ITPR2: variants seen among roughly 807,000 people sequenced by gnomAD.
ITPR2 encodes inositol 1,4,5-trisphosphate receptor type 2, also known as inositol 1,4,5-trisphosphate-gated calcium channel ITPR2.
Under a neutral mutation model 317.1 loss-of-function variants are expected in ITPR2, and 207 were observed. The ratio of observed to expected loss-of-function variants is 0.65; its 90% CI spans 0.58 to 0.73. The LOEUF is 0.73. Ranked by LOEUF, ITPR2 falls within the 30% of genes least tolerant of loss-of-function variation. The probability of loss-of-function intolerance (pLI) is 0.00; values close to 1 mark genes in which losing one functional copy is unlikely to be tolerated. For synonymous variants in ITPR2, 1,156 were observed against 1,149.1 expected (o/e 1.01, Z -0.12); for missense variants, 2,613 against 3,284.0 (o/e 0.80, Z 4.99).
At chr12:26,576,706 A>G (rs1199533783) in intron 34 of ITPR2, among the ~76,000 whole-genome samples, 1 of 152,162 alleles carries the variant, frequency 6.6e-6, no homozygotes, top group Admixed American at 6.5e-5. Flanking sequence ...ATCCATGCAA[A>G]GGAGTGGCCC....
intron 20 of ITPR2, among the ~76,000 whole-genome samples, chr12:26,654,465 T>C (rs1397969275): frequency 6.6e-6 from 1 of 152,206 alleles, no homozygotes; most frequent in African/African-American, 2.4e-5. Flanking sequence ...CCTTAATAAA[T>C]GGCTATTATC....
chr12:26,453,653 T>G (rs1470783354), intron 45 of ITPR2, among the ~76,000 whole-genome samples: 1 of 152,202 alleles, frequency 6.6e-6, no homozygotes. Flanking sequence ...GGTCTCACTA[T>G]TCCCACACAA....
intron 37 of ITPR2, among the ~76,000 whole-genome samples, chr12:26,522,570 T>C (rs1489577924): frequency 1.3e-5 from 2 of 152,228 alleles, no homozygotes; most frequent in African/African-American, 4.8e-5. Context: ...TTCATTATGC[T>C]TCTTGATGCA....
chr12:26,794,257 T>G (rs1950390988), intron 1 of ITPR2, among the ~76,000 whole-genome samples: 1 of 152,216 alleles, frequency 6.6e-6, no homozygotes, highest in Admixed American at 6.5e-5. Context: ...TTAAAAATTC[T>G]GTGAGAAGTG....
rs569191783 is a variant in ITPR2 at position 26,440,574 on chromosome 12, G to A, written c.6451-1255C>T. Among the ~76,000 whole-genome samples the A allele has an allele frequency of 3.9e-5, 6 of 152,206 alleles. No homozygotes were observed. The South Asian group carries it at 1.2e-3, about 32-fold the overall frequency. ...TAACTGAAGGTATCCTAAATGATATGTGATATATTCAATTACATACTAGAA... is the reference window on the plus strand; with the variant it reads ...TAACTGAAGGTATCCTAAATGATATATGATATATTCAATTACATACTAGAA... On this transcript the variant is annotated intron_variant, in intron 46 of 56. Transcript: ENST00000381340.
chr12:26,354,412 GTGA>G (rs369574727), intron 55 of ITPR2, among the ~76,000 whole-genome samples: 113 of 152,210 alleles, frequency 7.4e-4, no homozygotes, highest in African/African-American at 2.6e-3. Context: ...TATTTAACAA[GTGA>G]TGATGAAACC....
At chr12:26,460,729 G>T (rs773088765) in intron 45 of ITPR2, among the ~76,000 whole-genome samples, 5 of 152,084 alleles carry the variant, frequency 3.3e-5, no homozygotes, top group Non-Finnish European at 7.4e-5. Flanking sequence ...CTCTGGGGTC[G>T]GGGTCCCGGA....
chr12:26,780,973 G>A (rs1950064918), intron 2 of ITPR2, among the ~76,000 whole-genome samples: 1 of 152,180 alleles, frequency 6.6e-6, no homozygotes, highest in African/African-American at 2.4e-5. Context: ...GTGTTGGCTG[G>A]GGTGACTGAC....
chr12:26,733,317 A>G (rs1949057149), intron 2 of ITPR2, among the ~76,000 whole-genome samples: 1 of 141,706 alleles, frequency 7.1e-6, no homozygotes, highest in Non-Finnish European at 1.6e-5. Context: ...CCATCTCAAA[A>G]AAAAAAAAAA....
intron 55 of ITPR2, among the ~76,000 whole-genome samples, chr12:26,366,021 C>T (rs985096498): frequency 4.6e-5 from 7 of 151,948 alleles, no homozygotes; most frequent in Non-Finnish European, 1.0e-4. Flanking sequence ...AAGTAATTAC[C>T]AGTTAAACCT....
At chr12:26,591,240 A>G (rs1385027681) in intron 32 of ITPR2, among the ~76,000 whole-genome samples, 1 of 152,206 alleles carries the variant, frequency 6.6e-6, no homozygotes, top group Non-Finnish European at 1.5e-5. Context: ...TCTATAGGAA[A>G]AAATAGAATA....
At chr12:26,647,810 T>G (rs978580193) in intron 21 of ITPR2, among the ~76,000 whole-genome samples, 2 of 152,242 alleles carry the variant, frequency 1.3e-5, no homozygotes, top group Non-Finnish European at 2.9e-5. Flanking sequence ...GTCCTGAAGA[T>G]CTGATCTTCT....
intron 37 of ITPR2, among the ~76,000 whole-genome samples, chr12:26,500,366 AT>A (rs201214680): frequency 0.011 from 1,454 of 127,432 alleles, 26 homozygotes; most frequent in African/African-American, 0.036. Flanking sequence ...TATGAAAAGA[AT>A]TTCACCACAG....
intron 1 of ITPR2, among the ~76,000 whole-genome samples, chr12:26,813,401 AAG>A (rs561146518): frequency 2.5e-3 from 375 of 152,352 alleles, no homozygotes; most frequent in African/African-American, 8.3e-3. Flanking sequence ...TCTAAGCTAA[AAG>A]TGGGAATATT....
chr12:26,566,210 G>A (rs1412176705), intron 34 of ITPR2, among the ~76,000 whole-genome samples: 6 of 128,996 alleles, frequency 4.7e-5, no homozygotes. Context: ...GTGAGAGGAG[G>A]AGAGGAGAGG....
rs143380027 is a variant in ITPR2, at chr12:26,368,217, C to T, written c.7857+19217G>A. 4.8e-3 allele frequency among the ~76,000 whole-genome samples: 730 copies of T among 152,290 alleles called. 5 individuals are homozygous for T. Among genetic ancestry groups the T allele is most frequent in the African/African-American group, 0.016 (685 of 41,568 alleles). On this transcript the variant is annotated intron_variant, in intron 55 of 56. Transcript: ENST00000381340. ...TACAACACCACAAAATATCAGCACT[C>T]AAAGAGTCTTTGGATAGATTTAATT... is the stretch of plus-strand genomic sequence containing the variant.
chr12:26,454,486 G>A (rs1320815902), intron 45 of ITPR2, among the ~76,000 whole-genome samples: 1 of 152,154 alleles, frequency 6.6e-6, no homozygotes, highest in Non-Finnish European at 1.5e-5. Context: ...GATTACAGGC[G>A]TAAGCCACCA....
chr12:26,403,312 A>C (rs994060643), intron 52 of ITPR2, among the ~76,000 whole-genome samples: 2 of 152,224 alleles, frequency 1.3e-5, no homozygotes, highest in Admixed American at 6.5e-5. Flanking sequence ...AAGGAGACTC[A>C]CACATCAAGC....
At chr12:26,351,321 G>A (rs1938478595) in intron 55 of ITPR2, among the ~76,000 whole-genome samples, 1 of 152,238 alleles carries the variant, frequency 6.6e-6, no homozygotes, top group Admixed American at 6.5e-5. Flanking sequence ...ATCTGTCAAA[G>A]GTCTCTAGGA....
Sources: allele counts gnomAD v4.1 joint callset (sites outside exome capture counted in the v4.1 genomes callset), GRCh38; gene constraint gnomAD v4.1.1; transcripts MANE v1.5; gene names NCBI Gene and HGNC (gene_info 2026-07-23, HGNC 2026-07-21).